KCND2: variants seen among roughly 807,000 people sequenced by gnomAD.
KCND2 encodes potassium voltage-gated channel subfamily D member 2.
Under a neutral mutation model 54.4 loss-of-function variants are expected in KCND2, and 16 were observed. The ratio of observed to expected loss-of-function variants is 0.29; its 90% confidence interval spans 0.20 to 0.45. The LOEUF (loss-of-function observed/expected upper bound fraction) is 0.45. Among genes scored for constraint, KCND2 ranks in the 20% least tolerant of loss-of-function variants. The pLI is 1.00. For missense variants in KCND2, 486 were observed against 824.2 expected, an observed-to-expected ratio of 0.59 and a Z score of 5.02; for synonymous variants, 317 against 310.7, an observed-to-expected ratio of 1.02 and a Z score of -0.21.
intron 1 of KCND2, among the ~76,000 whole-genome samples, chr7:120,559,954 A>G (rs961569728): frequency 2.0e-5 from 3 of 152,320 alleles, no homozygotes; most frequent in African/African-American, 7.2e-5. Context: ...CAGATGAAGG[A>G]CAATGCTAAC....
At chr7:120,617,704 T>C (rs567137410) in intron 1 of KCND2, among the ~76,000 whole-genome samples, 25 of 152,204 alleles carry the variant, frequency 1.6e-4, no homozygotes, top group Middle Eastern at 3.2e-3. Context: ...CATATGTTCA[T>C]TGCAGTGTTA....
intron 1 of KCND2, among the ~76,000 whole-genome samples, chr7:120,668,939 T>C (rs1044657562): frequency 6.6e-6 from 1 of 152,062 alleles, no homozygotes; most frequent in Non-Finnish European, 1.5e-5. Context: ...CTTTAAAAAA[T>C]GTTTTACAGA....
At chr7:120,373,053 T>G (rs1017174045) in intron 1 of KCND2, among the ~76,000 whole-genome samples, 2 of 151,900 alleles carry the variant, frequency 1.3e-5, no homozygotes, top group Non-Finnish European at 2.9e-5. Context: ...TTCAGTGACT[T>G]GTGCCTGAGT....
intron 1 of KCND2, among the ~76,000 whole-genome samples, chr7:120,521,318 A>T (rs1015960868): frequency 2.0e-5 from 3 of 152,036 alleles, no homozygotes; most frequent in African/African-American, 7.3e-5. Flanking sequence ...CAATTTTTAA[A>T]AAAAAAATTA....
intron 1 of KCND2, among the ~76,000 whole-genome samples, chr7:120,567,742 A>C (rs1792315521): frequency 6.6e-6 from 1 of 152,106 alleles, no homozygotes; most frequent in South Asian, 2.1e-4. Flanking sequence ...ATTAAGATTT[A>C]TATTTCTGCC....
At chr7:120,599,459 G>A (rs779285518) in intron 1 of KCND2, among the ~76,000 whole-genome samples, 17 of 151,898 alleles carry the variant, frequency 1.1e-4, no homozygotes, top group East Asian at 3.9e-4. Flanking sequence ...TCCAGTGCAC[G>A]AATTCAGTAT....
At chr7:120,605,022 C>T (rs1792863703) in intron 1 of KCND2, among the ~76,000 whole-genome samples, 1 of 152,140 alleles carries the variant, frequency 6.6e-6, no homozygotes, top group Non-Finnish European at 1.5e-5. Context: ...AAGATTATTA[C>T]TATTAATTAA....
At position 120,750,124 on chromosome 7, in the gene KCND2, A is replaced by G. The variant is rs529658543; in HGVS notation, c.*2266A>G. 9.2e-5 allele frequency: 14 copies of G among 152,544 alleles called. No homozygotes were observed. Among genetic ancestry groups the G allele is most frequent in the Non-Finnish European group, 1.6e-4 (11 of 67,868 alleles). The allele number at this position is 152,544 out of a possible 1,614,324, so 9.4% of individuals were successfully genotyped here. ...TATACCGTGTTGGTGGTGAATGACT[A>G]TTGATGACTGTGTTAAGTGCATCTG... On this transcript the variant is annotated 3_prime_UTR_variant, in exon 6 of 6. Transcript: ENST00000331113.
In KCND2 at chr7:120,507,021, T is replaced by C. The variant is rs530017311; in HGVS notation, c.1116-225882T>C. 3.3e-5 allele frequency among the ~76,000 whole-genome samples: 5 copies of C among 151,994 alleles called. No individual in the cohort carries two copies. In the South Asian group the frequency reaches 1.0e-3, roughly 31 times the overall value. ...TGTGCATTTACATGTATATTATTTA[T>C]TACATGGACATTATGATAAATTAAC... On this transcript the variant is annotated intron_variant, in intron 1 of 5. Transcript: ENST00000331113.
intron 1 of KCND2, among the ~76,000 whole-genome samples, chr7:120,479,653 G>A (rs1487528088): frequency 6.6e-6 from 1 of 151,316 alleles, no homozygotes; most frequent in Non-Finnish European, 1.5e-5. Flanking sequence ...GTATGGTTTG[G>A]TATGGTGGCT....
intron 1 of KCND2, among the ~76,000 whole-genome samples, chr7:120,621,276 CAAAAAAAAAAAAA>C (rs1175736454): frequency 6.4e-5 from 3 of 47,192 alleles, no homozygotes; most frequent in Admixed American, 5.1e-4. Context: ...GACTCCGTCT[CAAAAAAAAAAAAA>C]AAAAAAAAAA....
At chr7:120,349,719 A>G (rs949248002) in intron 1 of KCND2, among the ~76,000 whole-genome samples, 3 of 152,184 alleles carry the variant, frequency 2.0e-5, no homozygotes, top group South Asian at 2.1e-4. Context: ...TAGTCCAGAT[A>G]TCTTTTATGT....
intron 1 of KCND2, among the ~76,000 whole-genome samples, chr7:120,290,331 A>T (rs1799414504): frequency 6.6e-6 from 1 of 152,088 alleles, no homozygotes; most frequent in Non-Finnish European, 1.5e-5. Context: ...TCAGGTCAAT[A>T]TACATTAAAA....
chr7:120,329,702 T>G (rs1188910990), intron 1 of KCND2, among the ~76,000 whole-genome samples: 5 of 152,314 alleles, frequency 3.3e-5, no homozygotes, highest in African/African-American at 9.6e-5. Flanking sequence ...GAATTTGCGG[T>G]GATTTGATAA....
intron 1 of KCND2, among the ~76,000 whole-genome samples, chr7:120,432,537 G>C (rs1801808428): frequency 6.6e-6 from 1 of 152,078 alleles, no homozygotes; most frequent in Non-Finnish European, 1.5e-5. Flanking sequence ...CTCATTTTCT[G>C]AACGTAACTT....
At chr7:120,679,996 A>G (rs1373951710) in intron 1 of KCND2, among the ~76,000 whole-genome samples, 1 of 152,106 alleles carries the variant, frequency 6.6e-6, no homozygotes, top group African/African-American at 2.4e-5. Flanking sequence ...TTTAGACTTG[A>G]GTAGACATAG....
intron 1 of KCND2, among the ~76,000 whole-genome samples, chr7:120,525,214 A>G (rs569651046): frequency 6.6e-6 from 1 of 152,150 alleles, no homozygotes; most frequent in Non-Finnish European, 1.5e-5. Context: ...GTTGCCAATC[A>G]CTTGAACATT....
intron 1 of KCND2, among the ~76,000 whole-genome samples, chr7:120,536,347 A>G (rs1054867858): frequency 6.6e-6 from 1 of 152,010 alleles, no homozygotes; most frequent in African/African-American, 2.4e-5. Context: ...ATGGTTGCTG[A>G]CTGATCACGG....
chr7:120,694,731 T>C (rs1792313642), intron 1 of KCND2, among the ~76,000 whole-genome samples: 1 of 152,144 alleles, frequency 6.6e-6, no homozygotes, highest in African/African-American at 2.4e-5. Context: ...TGGCTAACGC[T>C]GAAGTTGACC....
Sources: allele counts gnomAD v4.1 joint callset (sites outside exome capture counted in the v4.1 genomes callset), GRCh38; gene constraint gnomAD v4.1.1; transcripts MANE v1.5; gene names NCBI Gene and HGNC (gene_info 2026-07-23, HGNC 2026-07-21).